ZGRF1: variants seen among roughly 807,000 people sequenced by gnomAD.
ZGRF1 encodes 5'-3' DNA helicase ZGRF1.
ZGRF1 carries 196 observed loss-of-function variants against 203.5 expected under a neutral mutation model. The observed-to-expected ratio is 0.96, with a 90% CI of 0.86 to 1.08. ZGRF1 has a LOEUF of 1.08. ZGRF1 is among the 50% of genes least tolerant of loss of function. The probability of loss-of-function intolerance (pLI) is 0.00; values close to 1 mark genes in which losing one functional copy is unlikely to be tolerated. For missense variants in ZGRF1, 2,326 were observed against 2,416.3 expected, an observed-to-expected ratio of 0.96 and a Z score of 0.78; for synonymous variants, 809 against 841.3, an observed-to-expected ratio of 0.96 and a Z score of 0.66.
At chr4:112,596,395 G>T (rs1453436562) in intron 10 of ZGRF1, among the ~76,000 whole-genome samples, 1 of 151,964 alleles carries the variant, frequency 6.6e-6, no homozygotes, top group Non-Finnish European at 1.5e-5. Flanking sequence ...AGGATACAAT[G>T]GACTAAAATA....
chr4:112,559,531 A>G (rs1367115920), intron 19 of ZGRF1, among the ~76,000 whole-genome samples: 1 of 152,222 alleles, frequency 6.6e-6, no homozygotes, highest in African/African-American at 2.4e-5. Flanking sequence ...TTAAAAAACA[A>G]CTTGAATGAA....
At chr4:112,597,133 G>A (rs895139824) in intron 10 of ZGRF1, among the ~76,000 whole-genome samples, 1 of 149,896 alleles carries the variant, frequency 6.7e-6, no homozygotes, top group African/African-American at 2.5e-5. Context: ...ATAATCACTT[G>A]AACCCAAGAG....
chr4:112,564,953 A>C, intron 16 of ZGRF1: 1 of 801,952 alleles, frequency 1.2e-6, no homozygotes, highest in Non-Finnish European at 2.2e-6. Flanking sequence ...CTCCAGCCGA[A>C]GGAGAAATGA....
At chr4:112,581,331 TG>T (rs1440245590) in intron 16 of ZGRF1, among the ~76,000 whole-genome samples, 1 of 149,404 alleles carries the variant, frequency 6.7e-6, no homozygotes, top group Admixed American at 6.7e-5. Flanking sequence ...TAATGTTAAA[TG>T]ATGAGTTAAT....
At chr4:112,546,194 C>T (rs1370489281) in intron 24 of ZGRF1, among the ~76,000 whole-genome samples, 2 of 151,586 alleles carry the variant, frequency 1.3e-5, no homozygotes, top group Non-Finnish European at 2.9e-5. Context: ...ATAAAATATC[C>T]GGAATAAATA....
chr4:112,586,679 A>C (rs1747251256), intron 12 of ZGRF1, 96 bp from the exon 13 acceptor site: 11 of 977,522 alleles, frequency 1.1e-5, no homozygotes, highest in Middle Eastern at 6.7e-4. Flanking sequence ...TAAAAATATT[A>C]ATTTTTCTTT....
In ZGRF1 at chr4:112,624,460, TA is replaced by T. The variant is rs1318763905; in HGVS notation, c.103-585del. 2.6e-3 allele frequency among the ~76,000 whole-genome samples: 372 copies of T among 142,114 alleles called. 1 individual carries two copies. Among genetic ancestry groups the T allele is most frequent in the Non-Finnish European group, 2.6e-3 (171 of 64,756 alleles). The allele number at this position is 142,114 out of a possible 152,430, so 93.2% of individuals were successfully genotyped here. On this transcript the variant is annotated intron_variant, in intron 3 of 27. Transcript: ENST00000505019. ...CAACAGAGTGAGACTCCATCTCAAT[TA>T]AAAAAAAAAAAATTGGGAAGAAATT...
chr4:112,625,636 T>C (rs1280410304), intron 3 of ZGRF1, among the ~76,000 whole-genome samples: 5 of 137,186 alleles, frequency 3.6e-5, no homozygotes, highest in Non-Finnish European at 6.2e-5. Flanking sequence ...GTGGCTCACG[T>C]CTGTAATCCC....
At position 112,547,776 on chromosome 4, in the gene ZGRF1, A is replaced by G. The variant is rs926249109; in HGVS notation, c.5475-368T>C. Among the ~76,000 whole-genome samples the G allele has an allele frequency of 5.3e-5, 8 of 152,332 alleles. No homozygotes were observed. The South Asian group carries it at 1.7e-3, about 32-fold the overall frequency. ...TAAACCCTTGTTTTAGAAGTGAAGT[A>G]AATTGGGTTCTTAGGGGCTAAATGT... On this transcript the variant is annotated intron_variant, in intron 23 of 27. Coordinates refer to ENST00000505019, the MANE Select transcript of ZGRF1 (RefSeq NM_018392.5).
chr4:112,541,400 G>A, intron 24 of ZGRF1, 132 bp from the exon 25 acceptor site: 1 of 389,362 alleles, frequency 2.6e-6, no homozygotes, highest in African/African-American at 2.1e-5. Context: ...TGATAGAATA[G>A]ACTATAAATA....
intron 6 of ZGRF1, among the ~76,000 whole-genome samples, chr4:112,613,018 G>A (rs1191623897): frequency 6.6e-6 from 1 of 152,160 alleles, no homozygotes; most frequent in Admixed American, 6.6e-5. Flanking sequence ...ACAGAGTCGG[G>A]CATGGTGGCT....
At chr4:112,624,747 C>T (rs1482456593) in intron 3 of ZGRF1, among the ~76,000 whole-genome samples, 1 of 152,114 alleles carries the variant, frequency 6.6e-6, no homozygotes, top group African/African-American at 2.4e-5. Context: ...AATTTTTCCA[C>T]TAGCCCTTTT....
intron 18 of ZGRF1, chr4:112,561,310 T>C (rs776033876): frequency 3.0e-4 from 83 of 273,232 alleles, no homozygotes; most frequent in South Asian, 7.0e-4. Flanking sequence ...TACAAGAATA[T>C]TGAATTTTTT....
chr4:112,618,546 A>C lies in ZGRF1; in HGVS notation c.1496T>G (p.Ile499Ser). 1 of 1,613,506 alleles carries C rather than the reference A, an allele frequency of 6.2e-7. No homozygotes were observed. The highest frequency in any genetic ancestry group is 8.5e-7 in the Non-Finnish European group (1 of 1,179,712). Residue 499 changes from isoleucine to serine, a missense_variant, in exon 6 of 28, where the codon ATT (isoleucine) becomes AGT (serine). Physicochemically the swap from Ile to Ser is moderately radical, Grantham distance 142 (BLOSUM62 -2). Transcript: ENST00000505019. ...TTTACTTTCAGAAATCATGTCTGTA[A>C]TGTCATCAGAGATCCTAGAATTATT... is the stretch of plus-strand genomic sequence containing the variant. ...SSNNSRISDD[I>S]TDMISESKMD... is the part of the protein sequence containing the mutation.
At chr4:112,621,215 T>C (rs2047049487) in intron 4 of ZGRF1, among the ~76,000 whole-genome samples, 1 of 152,134 alleles carries the variant, frequency 6.6e-6, no homozygotes, top group African/African-American at 2.4e-5. Context: ...CTATATATCT[T>C]TAAATGAATA....
intron 14 of ZGRF1, among the ~76,000 whole-genome samples, chr4:112,584,593 A>G (rs1459800191): frequency 6.6e-6 from 1 of 152,178 alleles, no homozygotes; most frequent in East Asian, 1.9e-4. Flanking sequence ...TACATTTTCT[A>G]CTCTGTAACC....
In ZGRF1 at chr4:112,619,619, A is replaced by G. The variant is rs770289883; in HGVS notation, c.423T>C (p.His141=). The change falls in exon 6 of 28, where the codon CAT becomes CAC. Residue 141 remains histidine (H), a synonymous_variant. Coordinates refer to ENST00000505019, the MANE Select transcript of ZGRF1 (RefSeq NM_018392.5). ...IMESGESAAS[H]EAKKTGPTIF... ...TAGTAGGGCCAGTTTTCTTAGCCTC[A>G]TGTGATGCAGCTGATTCACCACTTT... 6.2e-7 allele frequency: 1 copy of G among 1,613,966 alleles called. No homozygotes were observed. The highest frequency in any genetic ancestry group is 1.1e-5 in the South Asian group (1 of 91,032).
Position 112,553,856 on chromosome 4 carries a change from G to A in ZGRF1, c.5325C>T (p.Thr1775=). The change falls in exon 22 of 28, where the codon ACC becomes ACT. Residue 1775 remains threonine, a synonymous_variant. Coordinates refer to ENST00000505019, the MANE Select transcript of ZGRF1 (RefSeq NM_018392.5). ...TTACCTGCTTCAGCAGGGTTCTATTGGTCCCCAGTTTATGCTGCTCAATGC... is the reference window on the plus strand; with the variant it reads ...TTACCTGCTTCAGCAGGGTTCTATTAGTCCCCAGTTTATGCTGCTCAATGC... ...RKSIEQHKLG[T]NRTLLKQVRV... The A allele has an allele frequency of 1.2e-6, 2 of 1,611,556 alleles. No individual in the cohort carries two copies. Among genetic ancestry groups the A allele is most frequent in the Non-Finnish European group, 8.5e-7 (1 of 1,179,346 alleles).
intron 18 of ZGRF1, chr4:112,561,609 T>C (rs1741992661): frequency 6.6e-6 from 1 of 152,442 alleles, no homozygotes; most frequent in South Asian, 2.1e-4. Flanking sequence ...CTATCAATTT[T>C]AATGCATTTA....
Sources: gnomAD v4.1 joint callset for allele counts (sites outside exome capture counted in the v4.1 genomes callset) on GRCh38, gnomAD v4.1.1 for gene constraint, MANE v1.5 for transcripts, NCBI Gene and HGNC (gene_info 2026-07-23, HGNC 2026-07-21) for gene names.